The following TBC1D4 variants were observed in gnomAD, a reference collection of about 807,000 sequenced individuals.
The protein encoded by TBC1D4 is TBC1 domain family member 4, also known as TBC (Tre-2, BUB2, CDC16) domain-containing protein.
Under a neutral mutation model 142.5 loss-of-function variants are expected in TBC1D4, and 121 were observed. That is an observed-to-expected ratio of 0.85 (90% confidence interval 0.73 to 0.99). The LOEUF (loss-of-function observed/expected upper bound fraction) is 0.99, where lower values mean the gene tolerates loss of function less well. Among genes scored for constraint, TBC1D4 ranks in the 50% least tolerant of loss-of-function variants. The pLI, the probability that TBC1D4 is intolerant of heterozygous loss-of-function variation, is 0.00. For synonymous variants in TBC1D4, 630 were observed against 628.2 expected (o/e 1.00, Z -0.04); for missense variants, 1,475 against 1,606.6 (o/e 0.92, Z 1.40).
chr13:75,354,021 T>A (rs1263367685), intron 4 of TBC1D4, among the ~76,000 whole-genome samples: 3 of 152,150 alleles, frequency 2.0e-5, no homozygotes, highest in African/African-American at 7.2e-5. Flanking sequence ...TCCCAGGAAC[T>A]AACCAACACG....
At chr13:75,435,099 G>A (rs897347523) in intron 1 of TBC1D4, among the ~76,000 whole-genome samples, 3 of 151,796 alleles carry the variant, frequency 2.0e-5, no homozygotes, top group Non-Finnish European at 4.4e-5. Flanking sequence ...CTTTCCTAAC[G>A]TACTTGATTC....
intron 12 of TBC1D4, among the ~76,000 whole-genome samples, chr13:75,313,750 T>G (rs1878018036): frequency 6.6e-6 from 1 of 152,158 alleles, no homozygotes; most frequent in South Asian, 2.1e-4. Flanking sequence ...GGTCTCAAAC[T>G]CCTGCACTCA....
chr13:75,347,644 T>C (rs562877121), intron 5 of TBC1D4, among the ~76,000 whole-genome samples: 6 of 152,228 alleles, frequency 3.9e-5, no homozygotes, highest in Non-Finnish European at 7.3e-5. Flanking sequence ...AGGATGAATA[T>C]AAGCAATCTT....
intron 1 of TBC1D4, among the ~76,000 whole-genome samples, chr13:75,456,609 T>A (rs1381083618): frequency 6.6e-6 from 1 of 151,784 alleles, no homozygotes; most frequent in South Asian, 2.1e-4. Flanking sequence ...ACAAATACAT[T>A]CCCTACAAGA....
intron 1 of TBC1D4, among the ~76,000 whole-genome samples, chr13:75,441,701 C>G (rs1458577989): frequency 2.6e-5 from 4 of 152,194 alleles, no homozygotes; most frequent in African/African-American, 9.7e-5. Flanking sequence ...CAATTTAAAA[C>G]TGCATGATCT....
chr13:75,299,458 C>G lies in TBC1D4; in HGVS notation c.3028G>C (p.Gly1010Arg). Residue 1010 changes from glycine to arginine, a missense_variant, in exon 17 of 21, where the codon GGG (glycine) becomes CGG (arginine). By Grantham distance (125) the Gly-to-Arg change is moderately radical. Around this residue, in one of 2 missense-constraint regions of TBC1D4, gnomAD observed 248 missense variants for 338.9 expected, o/e 0.73. Coordinates refer to ENST00000377636, the MANE Select transcript of TBC1D4 (RefSeq NM_014832.5). ...AGGACTCCAGCCACAAAGCTGATCC[C>G]CTGACAGTATCCCACTTCTTTGTCC... The part of the protein sequence containing the change: ...LLDKEVGYCQ[G>R]ISFVAGVLLL... The G allele has an allele frequency of 6.2e-7, 1 of 1,614,158 alleles. No individual in the cohort carries two copies. The highest frequency in any genetic ancestry group is 1.1e-5 in the South Asian group (1 of 91,082).
chr13:75,362,453 G>C lies in TBC1D4; in HGVS notation c.653C>G (p.Pro218Arg). 1 of 1,614,232 alleles carries C rather than the reference G, an allele frequency of 6.2e-7. No homozygotes were observed. The highest frequency in any genetic ancestry group is 8.5e-7 in the Non-Finnish European group (1 of 1,180,042). The change falls in exon 2 of 21, where the codon CCC becomes CGC. Residue 218 changes from proline to arginine, a missense_variant. Coordinates refer to ENST00000377636, the MANE Select transcript of TBC1D4 (RefSeq NM_014832.5). This position sits in a 1 kb window ranked among gnomAD's most constrained non-coding sequence, Gnocchi z 4.2. ...GKVTVTHKKA[P>R]SSLIDDCMEK... Reference sequence around the variant, plus strand: ...CATGCAGTCATCGATGAGGCTTGAGGGGGCCTTCTTGTGGGTCACGGTCAC... The same window carrying C: ...CATGCAGTCATCGATGAGGCTTGAGCGGGCCTTCTTGTGGGTCACGGTCAC...
chr13:75,322,313 ATCT>A (rs780187576), intron 11 of TBC1D4, among the ~76,000 whole-genome samples: 3 of 152,232 alleles, frequency 2.0e-5, no homozygotes, highest in Non-Finnish European at 4.4e-5. Flanking sequence ...TTTTTTAATG[ATCT>A]TAGAAATTTA....
intron 2 of TBC1D4, 116 bp from the exon 3 acceptor site, chr13:75,359,974 T>C (rs761533825): frequency 1.2e-5 from 10 of 846,818 alleles, no homozygotes; most frequent in Non-Finnish European, 1.8e-5. Context: ...GATATATGTA[T>C]TTCATATGTG....
At chr13:75,395,115 C>G (rs889714023) in intron 1 of TBC1D4, among the ~76,000 whole-genome samples, 1 of 152,172 alleles carries the variant, frequency 6.6e-6, no homozygotes, top group African/African-American at 2.4e-5. Context: ...AAAAAGAATG[C>G]TGCCATTCCT....
chr13:75,322,250 T>C (rs966882439), intron 11 of TBC1D4, among the ~76,000 whole-genome samples: 7 of 152,220 alleles, frequency 4.6e-5, no homozygotes, highest in Admixed American at 2.0e-4. Context: ...TACTCTCTGA[T>C]TTTTAGAATT....
chr13:75,471,508 C>T (rs1298191331), intron 1 of TBC1D4, among the ~76,000 whole-genome samples: 20 of 152,012 alleles, frequency 1.3e-4, no homozygotes, highest in Admixed American at 1.1e-3. Context: ...GAGGCCAAGG[C>T]GGGAGAATCA....
At chr13:75,453,156 A>C (rs2138249332) in intron 1 of TBC1D4, among the ~76,000 whole-genome samples, 1 of 151,858 alleles carries the variant, frequency 6.6e-6, no homozygotes, top group Non-Finnish European at 1.5e-5. Context: ...TGAATTAATT[A>C]AATTTTATAT....
intron 1 of TBC1D4, among the ~76,000 whole-genome samples, chr13:75,422,268 G>A (rs751728388): frequency 6.5e-4 from 98 of 150,956 alleles, no homozygotes; most frequent in Non-Finnish European, 5.9e-4. Flanking sequence ...GAAACTGGCT[G>A]TGAAAAAAAA....
chr13:75,347,804 G>C (rs1446560147), intron 5 of TBC1D4, among the ~76,000 whole-genome samples: 1 of 152,090 alleles, frequency 6.6e-6, no homozygotes, highest in Admixed American at 6.6e-5. Flanking sequence ...TGTACATTCT[G>C]CAATATTACA....
chr13:75,377,751 CATCT>C (rs966823103), intron 1 of TBC1D4, among the ~76,000 whole-genome samples: 5 of 149,492 alleles, frequency 3.3e-5, no homozygotes, highest in South Asian at 2.1e-4. Context: ...TGTGTGTGTG[CATCT>C]ATCTATCTAT....
At chr13:75,361,781 G>A (rs1882539723) in intron 2 of TBC1D4, among the ~76,000 whole-genome samples, 1 of 152,028 alleles carries the variant, frequency 6.6e-6, no homozygotes, top group Non-Finnish European at 1.5e-5. Flanking sequence ...TCTACGAATT[G>A]CTTCCTCCTC....
At chr13:75,449,522 G>A (rs577625970) in intron 1 of TBC1D4, among the ~76,000 whole-genome samples, 1 of 130,670 alleles carries the variant, frequency 7.7e-6, no homozygotes, top group East Asian at 2.3e-4. Flanking sequence ...AAACCTGAAA[G>A]TGAAACTGCA....
intron 7 of TBC1D4, among the ~76,000 whole-genome samples, chr13:75,339,851 C>T (rs779406432): frequency 3.9e-5 from 6 of 152,182 alleles, no homozygotes; most frequent in Non-Finnish European, 7.3e-5. Context: ...GGATCACAGG[C>T]GTGAGCCACC....
Sources: gnomAD v4.1 joint callset for allele counts (sites outside exome capture counted in the v4.1 genomes callset) on GRCh38, gnomAD v4.1.1 for gene constraint, gnomAD v4.1.1 regional missense constraint, Gnocchi (gnomAD v3.1) non-coding constraint, MANE v1.5 for transcripts, NCBI Gene and HGNC (gene_info 2026-07-23, HGNC 2026-07-21) for gene names.